Variants in DGKB observed in about 807,000 individuals in gnomAD.
DGKB encodes the protein 90 kDa diacylglycerol kinase.
In DGKB, 67 loss-of-function variants were observed where a neutral mutation model predicts 114.3. The ratio of observed to expected loss-of-function variants is 0.59; its 90% CI spans 0.48 to 0.72. The LOEUF (loss-of-function observed/expected upper bound fraction) is 0.72, where lower values mean the gene tolerates loss of function less well. Among genes scored for constraint, DGKB ranks in the 30% least tolerant of loss-of-function variants. The probability of loss-of-function intolerance (pLI) is 0.00; values close to 1 mark genes in which losing one functional copy is unlikely to be tolerated. For missense variants in DGKB, 907 were observed against 975.2 expected (o/e 0.93, Z 0.93); for synonymous variants, 398 against 323.1 (o/e 1.23, Z -2.49).
intron 21 of DGKB, among the ~76,000 whole-genome samples, chr7:14,451,943 T>A (rs1193921703): frequency 6.6e-6 from 1 of 152,134 alleles, no homozygotes; most frequent in African/African-American, 2.4e-5. Context: ...AATATTTTAC[T>A]GCTTGTATTA....
intron 13 of DGKB, among the ~76,000 whole-genome samples, chr7:14,640,574 G>A (rs1444478893): frequency 6.6e-6 from 1 of 152,122 alleles, no homozygotes; most frequent in Non-Finnish European, 1.5e-5. Flanking sequence ...AGCAAGGAGT[G>A]GTCATGGAAA....
chr7:14,345,413 C>A, intron 21 of DGKB, 22 bp from the exon 22 acceptor site: 1 of 1,286,352 alleles, frequency 7.8e-7, no homozygotes, highest in South Asian at 1.3e-5. Context: ...AAGGAAGAAG[C>A]ACCTTAGGCA....
chr7:14,150,318 A>G (rs1782006503), intron 25 of DGKB, among the ~76,000 whole-genome samples: 1 of 152,120 alleles, frequency 6.6e-6, no homozygotes, highest in Non-Finnish European at 1.5e-5. Flanking sequence ...CAAAAAATAT[A>G]TCTCTTAAAG....
intron 20 of DGKB, among the ~76,000 whole-genome samples, chr7:14,499,825 TAAAGG>T (rs1785863067): frequency 6.6e-6 from 1 of 150,414 alleles, no homozygotes. Context: ...TGTAGTAAGA[TAAAGG>T]AAAGAATGAT....
At chr7:14,526,398 G>A (rs770713473) in intron 20 of DGKB, among the ~76,000 whole-genome samples, 124 of 152,102 alleles carry the variant, frequency 8.2e-4, no homozygotes, top group Non-Finnish European at 1.6e-3. Flanking sequence ...CCCTGGGGGC[G>A]AAATCAACTC....
chr7:14,398,964 T>C (rs1165255007), intron 21 of DGKB, among the ~76,000 whole-genome samples: 1 of 151,912 alleles, frequency 6.6e-6, no homozygotes, highest in Non-Finnish European at 1.5e-5. Flanking sequence ...CTGTAAAATT[T>C]GCAGATCTGA....
At chr7:14,600,507 A>C (rs774148310) in intron 17 of DGKB, among the ~76,000 whole-genome samples, 1 of 152,184 alleles carries the variant, frequency 6.6e-6, no homozygotes, top group South Asian at 2.1e-4. Context: ...TCTAACCGTC[A>C]TCTAAATAAT....
chr7:14,448,197 T>A (rs1178529264), intron 21 of DGKB, among the ~76,000 whole-genome samples: 1 of 152,092 alleles, frequency 6.6e-6, no homozygotes, highest in Non-Finnish European at 1.5e-5. Flanking sequence ...ATAATGCTGT[T>A]ACAGCCTCCT....
intron 25 of DGKB, among the ~76,000 whole-genome samples, chr7:14,155,353 A>T (rs1166859275): frequency 6.6e-6 from 1 of 152,040 alleles, no homozygotes; most frequent in Non-Finnish European, 1.5e-5. Flanking sequence ...AACCTAACTG[A>T]GGTGCTTGTA....
intron 23 of DGKB, among the ~76,000 whole-genome samples, chr7:14,266,682 A>C (rs1023661920): frequency 3.3e-5 from 5 of 152,236 alleles, no homozygotes; most frequent in African/African-American, 4.8e-5. Context: ...TAAAATGACA[A>C]CATTTTGTCA....
intron 17 of DGKB, among the ~76,000 whole-genome samples, chr7:14,599,735 G>T (rs1803211870): frequency 6.6e-6 from 1 of 152,138 alleles, no homozygotes; most frequent in Admixed American, 6.5e-5. Context: ...TGATGAGATT[G>T]TTCCTGGCAT....
chr7:14,174,731 T>G (rs1380888827), intron 25 of DGKB, among the ~76,000 whole-genome samples: 1 of 152,010 alleles, frequency 6.6e-6, no homozygotes, highest in Non-Finnish European at 1.5e-5. Flanking sequence ...CCCACCACCA[T>G]CATAACCATC....
At chr7:14,972,455 A>T (rs1481943789) in intron 1 of DGKB, among the ~76,000 whole-genome samples, 1 of 152,140 alleles carries the variant, frequency 6.6e-6, no homozygotes, top group Non-Finnish European at 1.5e-5. Flanking sequence ...TCCACAGGAA[A>T]GGAAAAGAAA....
chr7:14,920,764 G>A (rs1289088980), intron 1 of DGKB, among the ~76,000 whole-genome samples: 3 of 152,050 alleles, frequency 2.0e-5, no homozygotes, highest in African/African-American at 7.3e-5. Context: ...TTCAACAGAG[G>A]AAAAGATAAG....
At chr7:14,242,085 AT>A (rs1296058611) in intron 23 of DGKB, among the ~76,000 whole-genome samples, 3 of 152,172 alleles carry the variant, frequency 2.0e-5, no homozygotes. Flanking sequence ...ATTTATATTT[AT>A]TAGGCAGATG....
At chr7:14,261,364 A>G (rs1796754329) in intron 23 of DGKB, among the ~76,000 whole-genome samples, 1 of 152,092 alleles carries the variant, frequency 6.6e-6, no homozygotes. Flanking sequence ...TGGCCTCTTC[A>G]TATTTTTATG....
chr7:14,580,002 G>C (rs1381397291), intron 19 of DGKB, among the ~76,000 whole-genome samples: 1 of 152,186 alleles, frequency 6.6e-6, no homozygotes, highest in Non-Finnish European at 1.5e-5. Flanking sequence ...ATGGTGTTTA[G>C]TGATCTTACC....
intron 4 of DGKB, among the ~76,000 whole-genome samples, chr7:14,736,831 TG>T (rs1831792573): frequency 1.3e-5 from 2 of 152,288 alleles, no homozygotes; most frequent in Non-Finnish European, 1.5e-5. Flanking sequence ...TGGAGAGAAT[TG>T]TGGTGGTGTT....
chr7:14,374,952 C>G (rs1485825381), intron 21 of DGKB, among the ~76,000 whole-genome samples: 1 of 152,218 alleles, frequency 6.6e-6, no homozygotes, highest in Non-Finnish European at 1.5e-5. Flanking sequence ...GATATTCCCT[C>G]TGTCTCAAAG....
Sources: allele counts gnomAD v4.1 joint callset (sites outside exome capture counted in the v4.1 genomes callset), GRCh38; gene constraint gnomAD v4.1.1; transcripts MANE v1.5; gene names NCBI Gene and HGNC (gene_info 2026-07-23, HGNC 2026-07-21).